Variants in SUFU observed in about 807,000 individuals in gnomAD.
SUFU encodes the protein suppressor of fused homolog.
In SUFU, 7 loss-of-function variants were observed where a neutral mutation model predicts 58.9. That is an observed-to-expected ratio of 0.12 (90% confidence interval 0.07 to 0.22). SUFU has a LOEUF of 0.22. SUFU is among the 10% of genes least tolerant of loss of function. The pLI is 1.00. For missense variants in SUFU, 451 were observed against 641.3 expected, an observed-to-expected ratio of 0.70 and a Z score of 3.20; for synonymous variants, 232 against 254.8, an observed-to-expected ratio of 0.91 and a Z score of 0.85.
In SUFU at chr10:102,585,392, ATATT is replaced by A. The variant is rs138374025; in HGVS notation, c.455-7189_455-7186del. Among the ~76,000 whole-genome samples the A allele has an allele frequency of 4.4e-3, 663 of 152,306 alleles. 6 individuals are homozygous for A. Among genetic ancestry groups the A allele is most frequent in the African/African-American group, 0.015 (635 of 41,560 alleles). On this transcript the variant is annotated intron_variant, in intron 3 of 11. Transcript: ENST00000369902. ...GTCTTTAAGGTTCATGTTATAGTAT[ATATT>A]AGTATTTTGTTCCTTTTTATTGCCA...
chr10:102,579,840 C>T (rs1478582332), intron 3 of SUFU: 1 of 985,244 alleles, frequency 1.0e-6, no homozygotes, highest in African/African-American at 1.7e-5. Context: ...AAACTGCATC[C>T]AGAACTTTGA....
In SUFU at chr10:102,631,659, G is replaced by A. The variant is rs531150951; in HGVS notation, c.*1504G>A. On this transcript the variant is annotated 3_prime_UTR_variant, in exon 12 of 12. Transcript: ENST00000369902. Reference sequence around the variant, plus strand: ...GATGCCACAGGAGTGCCCACAGGGTGCAGGACTCCACTGATGAGAGATCCA... The same window carrying A: ...GATGCCACAGGAGTGCCCACAGGGTACAGGACTCCACTGATGAGAGATCCA... The A allele has an allele frequency of 5.6e-5, 13 of 233,428 alleles. No homozygotes were observed. The highest frequency in any genetic ancestry group is 1.8e-4 in the South Asian group (1 of 5,526). The allele number at this position is 233,428 out of a possible 1,614,324, so 14.5% of individuals were successfully genotyped here.
chr10:102,562,351 C>T (rs953637794), intron 3 of SUFU, among the ~76,000 whole-genome samples: 5 of 152,106 alleles, frequency 3.3e-5, no homozygotes, highest in South Asian at 2.1e-4. Context: ...GGTGGAACCA[C>T]GTCTCTACTA....
At chr10:102,549,917 G>A in intron 2 of SUFU, 53 bp from the exon 3 acceptor site, 7 of 1,611,462 alleles carry the variant, frequency 4.3e-6, no homozygotes, top group East Asian at 2.2e-5. Context: ...TTTCAAGAGA[G>A]TGTTTTTCCT....
intron 2 of SUFU, among the ~76,000 whole-genome samples, chr10:102,533,014 A>G (rs2062693407): frequency 6.6e-6 from 1 of 152,132 alleles, no homozygotes; most frequent in Admixed American, 6.6e-5. Context: ...ATGGTGTGGC[A>G]GTTGAGATGG....
intron 2 of SUFU, among the ~76,000 whole-genome samples, chr10:102,535,843 C>T (rs1179052140): frequency 1.3e-5 from 2 of 152,138 alleles, no homozygotes; most frequent in African/African-American, 4.8e-5. Context: ...TAGCAACAGA[C>T]TATGTGAAGC....
rs772598822 is a variant in SUFU at position 102,597,210 on chromosome 10, A to G, written c.827A>G (p.Asp276Gly). The G allele has an allele frequency of 6.2e-7, 1 of 1,613,834 alleles. No homozygotes were observed. The highest frequency in any genetic ancestry group is 1.3e-5 in the African/African-American group (1 of 74,864). The change falls in exon 7 of 12, where the codon GAT becomes GGT. Residue 276 changes from aspartate to glycine, a missense_variant. By Grantham distance (94) the Asp-to-Gly change is moderately conservative. Transcript: ENST00000369902. Reference protein sequence around the residue: ...LSGVSAKCAWDDLSRPPEDDE... With the variant: ...LSGVSAKCAWGDLSRPPEDDE... ...GGTGTCAGTGCCAAGTGTGCCTGGG[A>G]TGACCTGAGCCGGCCCCCCGAGGAT...
At chr10:102,624,954 G>C (rs1047770321) in intron 10 of SUFU, among the ~76,000 whole-genome samples, 1 of 152,146 alleles carries the variant, frequency 6.6e-6, no homozygotes, top group Non-Finnish European at 1.5e-5. Flanking sequence ...AGTTATTTGT[G>C]AGTTAGAAAT....
In SUFU at chr10:102,617,535, G is replaced by C. The variant is rs576773637; in HGVS notation, c.1296+107G>C. ...GATGGCACCCCTTCCTGGGGGGCTG[G>C]TCATGAATGCCTCATGGATTCAGGG... On this transcript the variant is annotated intron_variant, in intron 10 of 11. Transcript: ENST00000369902. The surrounding 1 kb of genome is among the most constrained non-coding windows in gnomAD (Gnocchi z 4.4). 2.0e-6 allele frequency: 3 copies of C among 1,503,482 alleles called. No homozygotes were observed. The highest frequency in any genetic ancestry group is 1.7e-4 in the Middle Eastern group (1 of 5,830). The allele number at this position is 1,503,482 out of a possible 1,614,324, so 93.1% of individuals were successfully genotyped here. A position where few individuals can be genotyped will look rare whatever the true frequency, so the allele number is the denominator to read the frequency against.
chr10:102,615,845 G>A (rs947339470), intron 9 of SUFU, among the ~76,000 whole-genome samples: 1 of 152,186 alleles, frequency 6.6e-6, no homozygotes, highest in Non-Finnish European at 1.5e-5. Context: ...TGACCAGAGA[G>A]CCCCACTGGT....
Position 102,629,977 on chromosome 10 carries a change from CCGGGG to C in SUFU, c.1366-88_1366-84del. 8.0e-7 allele frequency: 1 copy of C among 1,247,434 alleles called. No individual in the cohort carries two copies. Among genetic ancestry groups the C allele is most frequent in the Non-Finnish European group, 1.2e-6 (1 of 845,582 alleles). The allele number at this position is 1,247,434 out of a possible 1,614,324, so 77.3% of individuals were successfully genotyped here. On this transcript the variant is annotated intron_variant, in intron 11 of 11. Coordinates refer to ENST00000369902, the MANE Select transcript of SUFU (RefSeq NM_016169.4). This position sits in a 1 kb window ranked among gnomAD's most constrained non-coding sequence, Gnocchi z 4.7. ...CGCGGCCTGTCCTATCCCTAGCTCC[CCGGGG>C]ACAGGCCTGGGCAATCTCTGGAAAG...
intron 10 of SUFU, among the ~76,000 whole-genome samples, chr10:102,620,892 T>C (rs2063734383): frequency 6.6e-6 from 1 of 152,074 alleles, no homozygotes; most frequent in African/African-American, 2.4e-5. Flanking sequence ...CACATAGGGG[T>C]CACATCACCA....
chr10:102,587,643 C>G (rs1295987287), intron 3 of SUFU, among the ~76,000 whole-genome samples: 1 of 152,072 alleles, frequency 6.6e-6, no homozygotes, highest in South Asian at 2.1e-4. Context: ...AGGTGCCCAC[C>G]ACTACGCCCG....
At position 102,565,797 on chromosome 10, in the gene SUFU, C is replaced by T. The variant is rs376451421; in HGVS notation, c.454+15691C>T. ...TCCTGACCTCGTGATCTACCCGCCT[C>T]GGCCTCCCAAAGTGCTGGGATTACA... On this transcript the variant is annotated intron_variant, in intron 3 of 11. Coordinates refer to ENST00000369902, the MANE Select transcript of SUFU (RefSeq NM_016169.4). Among the ~76,000 whole-genome samples the T allele has an allele frequency of 3.5e-4, 54 of 152,274 alleles. No homozygotes were observed. In the South Asian group the frequency reaches 0.011, roughly 30 times the overall value.
intron 3 of SUFU, among the ~76,000 whole-genome samples, chr10:102,570,996 C>A (rs925486484): frequency 6.6e-6 from 1 of 151,616 alleles, no homozygotes; most frequent in Admixed American, 6.6e-5. Context: ...AAAAAAAAAA[C>A]CAAAACCTTC....
At chr10:102,565,785 A>T (rs547198103) in intron 3 of SUFU, among the ~76,000 whole-genome samples, 1 of 152,184 alleles carries the variant, frequency 6.6e-6, no homozygotes, top group South Asian at 2.1e-4. Flanking sequence ...TGACCTCGTG[A>T]TCTACCCGCC....
chr10:102,617,710 A>G lies in SUFU; in HGVS notation c.1296+282A>G, dbSNP rs1181166429. The G allele has an allele frequency of 1.7e-6, 1 of 599,524 alleles. No individual in the cohort carries two copies. The highest frequency in any genetic ancestry group is 3.0e-6 in the Non-Finnish European group (1 of 333,968). 37.1% of individuals were successfully genotyped at this position (599,524 alleles called of 1,614,324 possible). ...TTGGTAATTCTGGTTCCCCGTGGAAATCCAGGTTGGAGGGATATAAGACTT... is the reference window on the plus strand; with the variant it reads ...TTGGTAATTCTGGTTCCCCGTGGAAGTCCAGGTTGGAGGGATATAAGACTT... On this transcript the variant is annotated intron_variant, in intron 10 of 11. Coordinates refer to ENST00000369902, the MANE Select transcript of SUFU (RefSeq NM_016169.4). This position sits in a 1 kb window ranked among gnomAD's most constrained non-coding sequence, Gnocchi z 4.4.
In SUFU at chr10:102,617,526, G is replaced by T. The variant is rs1192724428; in HGVS notation, c.1296+98G>T. The T allele has an allele frequency of 1.3e-6, 2 of 1,559,070 alleles. No individual in the cohort carries two copies. Among genetic ancestry groups the T allele is most frequent in the Non-Finnish European group, 1.8e-6 (2 of 1,132,604 alleles). On this transcript the variant is annotated intron_variant, in intron 10 of 11. Transcript: ENST00000369902. This position sits in a 1 kb window ranked among gnomAD's most constrained non-coding sequence, Gnocchi z 4.4. ...GCAGCTCTTGATGGCACCCCTTCCTGGGGGGCTGGTCATGAATGCCTCATG... is the reference window on the plus strand; with the variant it reads ...GCAGCTCTTGATGGCACCCCTTCCTTGGGGGCTGGTCATGAATGCCTCATG...
At chr10:102,540,460 G>A (rs1399960858) in intron 2 of SUFU, among the ~76,000 whole-genome samples, 1 of 151,982 alleles carries the variant, frequency 6.6e-6, no homozygotes, top group Non-Finnish European at 1.5e-5. Flanking sequence ...AGACCAGCCT[G>A]GCCAACATGG....
Sources: allele counts gnomAD v4.1 joint callset (sites outside exome capture counted in the v4.1 genomes callset), GRCh38; gene constraint gnomAD v4.1.1; non-coding constraint Gnocchi (gnomAD v3.1); transcripts MANE v1.5; gene names NCBI Gene and HGNC (gene_info 2026-07-23, HGNC 2026-07-21).